The following RIIAD1 variants were observed in gnomAD, a reference collection of about 807,000 sequenced individuals.
The protein encoded by RIIAD1 is RIIa domain-containing protein 1.
In RIIAD1, 15 loss-of-function variants were observed where a neutral mutation model predicts 13.3. That is an observed-to-expected ratio of 1.13 (90% confidence interval 0.76 to 1.74). RIIAD1 has a LOEUF of 1.74. Ranked by LOEUF, RIIAD1 falls within the 40% of genes most tolerant of loss-of-function variation. RIIAD1 has a pLI of 0.00. For synonymous variants in RIIAD1, 50 were observed against 43.3 expected (o/e 1.16, Z -0.61); for missense variants, 121 against 112.2 (o/e 1.08, Z -0.35).
At chr1:151,716,893 C>A (rs1390384069), upstream of RIIAD1, 1 of 422,758 alleles carries the variant, frequency 2.4e-6, no homozygotes, top group East Asian at 7.4e-5. Flanking sequence ...AATTCTCTAC[C>A]CTGGAGAGGG....
chr1:151,714,625 C>T (rs1384520442), intron 4 of RIIAD1: 2 of 1,560,308 alleles, frequency 1.3e-6, no homozygotes, highest in Non-Finnish European at 1.7e-6. Context: ...GTGCAGGGCG[C>T]TCTGGGCCTT....
At position 151,714,623 on chromosome 1, in the gene RIIAD1, C is replaced by T. The variant is rs754604007; in HGVS notation, c.21+94C>T. 72 of 1,559,622 alleles carry T rather than the reference C, an allele frequency of 4.6e-5. No homozygotes were observed. Among genetic ancestry groups the T allele is most frequent in the Non-Finnish European group, 5.7e-5 (66 of 1,151,556 alleles). ...GGAAGCGTCTTCTGTTCGTGCAGGG[C>T]GCTCTGGGCCTTCAGGGCTGAATCC... On this transcript the variant is annotated intron_variant, in intron 4 of 8. Coordinates refer to the RIIAD1 transcript ENST00000326413.
chr1:151,713,337 C>A (rs1673186865), intron 2 of RIIAD1: 1 of 152,212 alleles, frequency 6.6e-6, no homozygotes, highest in Admixed American at 6.5e-5. Flanking sequence ...GGGCACAGAC[C>A]TAGGGTGGAC....
chr1:151,716,821 C>A, upstream of RIIAD1: 1 of 467,048 alleles, frequency 2.1e-6, no homozygotes. Flanking sequence ...TCCACACCCC[C>A]CTCCCCACTC....
At chr1:151,723,375 C>A (rs1212329439) in intron 2 of RIIAD1, among the ~76,000 whole-genome samples, 3 of 151,044 alleles carry the variant, frequency 2.0e-5, no homozygotes, top group African/African-American at 7.3e-5. Context: ...GCCTGGGCAA[C>A]AAGAGCAAAA....
chr1:151,729,403 A>G (rs1052805024), intron 4 of RIIAD1, 85 bp from the exon 5 acceptor site: 7 of 152,090 alleles, frequency 4.6e-5, no homozygotes, highest in African/African-American at 1.4e-4. Flanking sequence ...TCCTGAAATG[A>G]TATTGAAAGC....
At chr1:151,714,304 G>C (rs867286012) in intron 3 of RIIAD1, 1 of 581,360 alleles carries the variant, frequency 1.7e-6, no homozygotes, top group African/African-American at 1.9e-5. Context: ...CTTCCAACCA[G>C]CGAGTCCTCC....
At chr1:151,721,655 A>G in intron 1 of RIIAD1, 35 bp downstream of exon 1, 1 of 1,228,654 alleles carries the variant, frequency 8.1e-7, no homozygotes, top group Non-Finnish European at 1.0e-6. Flanking sequence ...AGCGTCCACC[A>G]AAGTGTAGCT....
At chr1:151,712,766 G>T (rs1558109399) in intron 2 of RIIAD1, among the ~76,000 whole-genome samples, 2 of 152,164 alleles carry the variant, frequency 1.3e-5, no homozygotes, top group Non-Finnish European at 2.9e-5. Context: ...AGATTTTTGG[G>T]GTGACAGAGA....
At chr1:151,721,455 A>T (rs570910997), upstream of RIIAD1, 712 of 824,036 alleles carry the variant, frequency 8.6e-4, 5 homozygotes, top group African/African-American at 0.012. Flanking sequence ...GCTTCGCTGA[A>T]GGGGCCGGGC....
chr1:151,728,358 T>C (rs1239887278), intron 3 of RIIAD1: 4 of 221,614 alleles, frequency 1.8e-5, no homozygotes, highest in East Asian at 2.3e-4. Flanking sequence ...ACAAGAATAA[T>C]ACTTGGCATT....
At chr1:151,720,158 A>G (rs979700867), upstream of RIIAD1, among the ~76,000 whole-genome samples, 1 of 152,190 alleles carries the variant, frequency 6.6e-6, no homozygotes, top group Non-Finnish European at 1.5e-5. Context: ...TGTGTATTTT[A>G]TATTTGCTGC....
chr1:151,713,307 G>C (rs1673184602), intron 2 of RIIAD1, among the ~76,000 whole-genome samples: 1 of 152,182 alleles, frequency 6.6e-6, no homozygotes, highest in Admixed American at 6.5e-5. Context: ...AGCTCTGCCT[G>C]AGCTGCCAGG....
upstream of RIIAD1, chr1:151,719,634 A>G (rs529997037): frequency 4.3e-6 from 3 of 702,922 alleles, no homozygotes; most frequent in South Asian, 4.4e-5. Context: ...AGAGTGCACA[A>G]AGAATTGATT....
At chr1:151,716,191 G>A (rs1336726091) in intron 4 of RIIAD1, 1 of 636,032 alleles carries the variant, frequency 1.6e-6, no homozygotes. Context: ...ACACAAAGGA[G>A]GCCCAGGGAG....
chr1:151,715,697 G>A (rs533553282), intron 4 of RIIAD1: 21 of 1,541,020 alleles, frequency 1.4e-5, no homozygotes, highest in Middle Eastern at 1.7e-4. Flanking sequence ...GTCCTTCACC[G>A]GGGTTTCCTG....
chr1:151,716,986 T>C (rs1457365582), upstream of RIIAD1, among the ~76,000 whole-genome samples: 1 of 151,988 alleles, frequency 6.6e-6, no homozygotes, highest in Non-Finnish European at 1.5e-5. Flanking sequence ...GAGCAGCTGG[T>C]CCTGTTGATA....
intron 2 of RIIAD1, among the ~76,000 whole-genome samples, chr1:151,723,861 G>A (rs1257419585): frequency 6.6e-6 from 1 of 152,144 alleles, no homozygotes; most frequent in Non-Finnish European, 1.5e-5. Flanking sequence ...GAGAGTTTAG[G>A]GATCCTCTGT....
intron 4 of RIIAD1, chr1:151,715,770 C>G (rs1673428718): frequency 6.3e-7 from 1 of 1,596,520 alleles, no homozygotes; most frequent in African/African-American, 1.3e-5. Flanking sequence ...GAACTCTTCT[C>G]CTTCCACATC....
Sources: allele counts gnomAD v4.1 joint callset (sites outside exome capture counted in the v4.1 genomes callset), GRCh38; gene constraint gnomAD v4.1.1; transcripts MANE v1.5; gene names NCBI Gene and HGNC (gene_info 2026-07-23, HGNC 2026-07-21).